The following TMEM63A variants were observed in gnomAD, a reference collection of about 807,000 sequenced individuals.
The protein encoded by TMEM63A is transmembrane protein 63A, also known as mechanosensitive cation channel TMEM63A.
In TMEM63A, 76 loss-of-function variants were observed where a neutral mutation model predicts 100.6. The ratio of observed to expected loss-of-function variants is 0.76; its 90% CI spans 0.63 to 0.91. The LOEUF is 0.91. TMEM63A is among the 40% of genes least tolerant of loss of function. The pLI, the probability that TMEM63A is intolerant of heterozygous loss-of-function variation, is 0.00. For synonymous variants in TMEM63A, 401 were observed against 401.1 expected (o/e 1.00, Z 0.00); for missense variants, 876 against 1,008.8 (o/e 0.87, Z 1.78).
intron 21 of TMEM63A, among the ~76,000 whole-genome samples, chr1:225,849,383 C>T (rs1461794524): frequency 2.6e-5 from 4 of 152,176 alleles, no homozygotes; most frequent in Admixed American, 6.5e-5. Context: ...CCGGGGCAGA[C>T]GTGTCTTTCC....
rs1443562138 is a variant in TMEM63A, at chr1:225,848,997, G to A, written c.2087C>T (p.Ala696Val). 1.3e-6 allele frequency: 2 copies of A among 1,588,458 alleles called. No individual in the cohort carries two copies. The highest frequency in any genetic ancestry group is 1.7e-6 in the Non-Finnish European group (2 of 1,168,092). ...CAGCACCAGGAAGGTGAACAGAGTG[G>A]CGGGGGCCTTCATACCTGGTGATAG... ...SFLRLGMKAP[A>V]TLFTFLVLLL... The change falls in exon 22 of 25, where the codon GCC becomes GTC. Residue 696 changes from alanine (A) to valine (V), a missense_variant. Transcript: ENST00000366835.
rs910113402 is a variant in TMEM63A at position 225,853,480 on chromosome 1, G to A, written c.1797+149C>T. The A allele has an allele frequency of 5.0e-6, 4 of 800,998 alleles. No homozygotes were observed. The highest frequency in any genetic ancestry group is 7.3e-6 in the Non-Finnish European group (4 of 545,024). The allele number at this position is 800,998 out of a possible 1,614,324, so 49.6% of individuals were successfully genotyped here. ...GCCACGCCTGCCTGGACCCGGGTTT[G>A]AGAAGCACTTAGCCCAGTGCCTGCA... On this transcript the variant is annotated intron_variant, in intron 19 of 24. Coordinates refer to ENST00000366835, the MANE Select transcript of TMEM63A (RefSeq NM_014698.3). This position sits in a 1 kb window ranked among gnomAD's most constrained non-coding sequence, Gnocchi z 4.0.
At position 225,871,123 on chromosome 1, in the gene TMEM63A, G is replaced by A; in HGVS notation, c.334-10C>T. 2.5e-6 allele frequency: 4 copies of A among 1,613,706 alleles called. No individual in the cohort carries two copies. The highest frequency in any genetic ancestry group is 3.4e-6 in the Non-Finnish European group (4 of 1,179,704). ...GCCAGGGACAGCATCCCTGGAAACG[G>A]AGAGAACAGGGATTAGCTTCCAACA... On this transcript the variant is annotated splice_polypyrimidine_tract_variant and intron_variant, in intron 5 of 24. Coordinates refer to ENST00000366835, the MANE Select transcript of TMEM63A (RefSeq NM_014698.3).
intron 20 of TMEM63A, among the ~76,000 whole-genome samples, chr1:225,852,357 G>A (rs1007039678): frequency 6.6e-6 from 1 of 152,170 alleles, no homozygotes; most frequent in Non-Finnish European, 1.5e-5. Flanking sequence ...ATGGTGGCGG[G>A]CACCTGTAAT....
At chr1:225,842,509 T>C, downstream of TMEM63A, 2 of 1,477,678 alleles carry the variant, frequency 1.4e-6, no homozygotes, top group South Asian at 1.1e-5. Flanking sequence ...GTCATGACCC[T>C]GGTCCCAGCA....
chr1:225,844,053 TTAA>T (rs1268345520), downstream of TMEM63A, among the ~76,000 whole-genome samples: 1 of 152,086 alleles, frequency 6.6e-6, no homozygotes, highest in East Asian at 1.9e-4. Context: ...GATTCTCCAC[TTAA>T]TAAGTAAAAT....
chr1:225,870,694 T>C (rs1670468780), intron 6 of TMEM63A, among the ~76,000 whole-genome samples: 1 of 152,182 alleles, frequency 6.6e-6, no homozygotes, highest in Non-Finnish European at 1.5e-5. Context: ...AGCAAAAAAA[T>C]AGCTTTAATT....
chr1:225,848,560 G>A lies in TMEM63A; in HGVS notation c.2188-6C>T, dbSNP rs371505445. Reference sequence around the variant, plus strand: ...TCACTTGCAGGCTCTTCTGTCTGCAGATAACAGCAAAAACTTGCGATGATA... The same window carrying A: ...TCACTTGCAGGCTCTTCTGTCTGCAAATAACAGCAAAAACTTGCGATGATA... On this transcript the variant is annotated splice_polypyrimidine_tract_variant and splice_region_variant and intron_variant, in intron 22 of 24. Coordinates refer to ENST00000366835, the MANE Select transcript of TMEM63A (RefSeq NM_014698.3). 25 of 1,613,980 alleles carry A rather than the reference G, an allele frequency of 1.5e-5. No individual in the cohort carries two copies. The highest frequency in any genetic ancestry group is 4.4e-5 in the South Asian group (4 of 91,084).
At position 225,848,579 on chromosome 1, in the gene TMEM63A, G is replaced by A. The variant is rs184682053; in HGVS notation, c.2188-25C>T. ...TCTGCAGATAACAGCAAAAACTTGC[G>A]ATGATAAACAAAACTGATCTCTGTG... On this transcript the variant is annotated intron_variant, in intron 22 of 24. Transcript: ENST00000366835. 1.3e-4 allele frequency: 206 copies of A among 1,613,212 alleles called. No individual in the cohort carries two copies. In the East Asian group the frequency reaches 2.8e-3, roughly 22 times the overall value.
intron 15 of TMEM63A, 46 bp downstream of exon 15, chr1:225,859,150 T>C: frequency 6.2e-7 from 1 of 1,613,238 alleles, no homozygotes; most frequent in Non-Finnish European, 8.5e-7. Context: ...CCAAGCCCTC[T>C]TCTCACCAGC....
At chr1:225,855,288 T>C (rs1669562519) in intron 18 of TMEM63A, among the ~76,000 whole-genome samples, 1 of 152,096 alleles carries the variant, frequency 6.6e-6, no homozygotes, top group Non-Finnish European at 1.5e-5. Flanking sequence ...CAAACCTCAG[T>C]CTCCTCATCT....
Position 225,862,218 on chromosome 1 carries a change from T to C in TMEM63A, c.1085A>G (p.Tyr362Cys), listed in dbSNP as rs751941977. 6.2e-6 allele frequency: 10 copies of C among 1,613,668 alleles called. No homozygotes were observed. In the Admixed American group the frequency reaches 1.2e-4, roughly 19 times the overall value. Residue 362 changes from tyrosine (Y) to cysteine (C), a missense_variant and splice_region_variant, in exon 13 of 25, where the codon TAC becomes TGC. Coordinates refer to ENST00000366835, the MANE Select transcript of TMEM63A (RefSeq NM_014698.3). This position sits in a 1 kb window ranked among gnomAD's most constrained non-coding sequence, Gnocchi z 5.1. The part of the protein sequence containing the change: ...VTFQEKSMAT[Y>C]ILKDFNACKC... The stretch of plus-strand genomic sequence containing the variant: ...GGGGTCTGGATGTGCCTACACTCAC[T>C]AGGTGGCCATGGACTTCTCCTGGAA...
chr1:225,842,267 A>C, downstream of TMEM63A: 2 of 916,478 alleles, frequency 2.2e-6, no homozygotes, highest in Middle Eastern at 2.1e-4. Context: ...TCCTGCACAC[A>C]GCCCCGCCCT....
chr1:225,854,431 G>A (rs1309531872), intron 18 of TMEM63A, among the ~76,000 whole-genome samples: 2 of 151,630 alleles, frequency 1.3e-5, no homozygotes, highest in Admixed American at 6.6e-5. Context: ...GAGATATGAA[G>A]GGATTCTGGA....
chr1:225,855,862 A>G lies in TMEM63A; in HGVS notation c.1634+16T>C, dbSNP rs761693670. ...CCCAGGGCCATGGCTCCAGAACTCAACTTGGCAATACTCACTCCAACCTGA... is the reference window on the plus strand; with the variant it reads ...CCCAGGGCCATGGCTCCAGAACTCAGCTTGGCAATACTCACTCCAACCTGA... On this transcript the variant is annotated intron_variant, in intron 18 of 24. Coordinates refer to ENST00000366835, the MANE Select transcript of TMEM63A (RefSeq NM_014698.3). 4 of 1,613,568 alleles carry G rather than the reference A, an allele frequency of 2.5e-6. 1 individual carries two copies. In the South Asian group the frequency reaches 4.4e-5, roughly 18 times the overall value.
In TMEM63A at chr1:225,848,903, G is replaced by C. The variant is rs1669171348; in HGVS notation, c.2181C>G (p.Asn727Lys). The change falls in exon 22 of 25, where the codon AAC (asparagine) becomes AAG (lysine). Residue 727 changes from asparagine to lysine, a missense_variant. Asn to Lys is a moderately conservative substitution (Grantham distance 94). This residue lies in a region of TMEM63A where 339 missense variants were observed against 342.3 expected (regional missense o/e 0.99). Transcript: ENST00000366835. ...TGGGGTCGGGGGCCTTTACTTTGTA[G>C]TTCAGAGGGCTGAGGTGCTTGAAGC... ...FGCFKHLSPL[N>K]YKTEEPASDK... 2 of 1,587,042 alleles carry C rather than the reference G, an allele frequency of 1.3e-6. No individual in the cohort carries two copies. Among genetic ancestry groups the C allele is most frequent in the Non-Finnish European group, 1.7e-6 (2 of 1,167,414 alleles).
chr1:225,853,607 C>A lies in TMEM63A; in HGVS notation c.1797+22G>T. ...ACATGGGAGGGAGTCAGAGGCACAGCCCTGGGCCCAGGGGATGGCACCTGC... is the reference window on the plus strand; with the variant it reads ...ACATGGGAGGGAGTCAGAGGCACAGACCTGGGCCCAGGGGATGGCACCTGC... On this transcript the variant is annotated intron_variant, in intron 19 of 24. Transcript: ENST00000366835. This position sits in a 1 kb window ranked among gnomAD's most constrained non-coding sequence, Gnocchi z 4.0. 1 of 1,538,962 alleles carries A rather than the reference C, an allele frequency of 6.5e-7. No homozygotes were observed. The highest frequency in any genetic ancestry group is 8.8e-7 in the Non-Finnish European group (1 of 1,139,594).
chr1:225,873,375 A>G (rs1415645924), intron 4 of TMEM63A, among the ~76,000 whole-genome samples: 1 of 152,046 alleles, frequency 6.6e-6, no homozygotes, highest in Non-Finnish European at 1.5e-5. Context: ...AAGATGGTGC[A>G]TTTTCAGGTA....
intron 20 of TMEM63A, among the ~76,000 whole-genome samples, chr1:225,852,073 ACT>A (rs1434153026): frequency 6.6e-6 from 1 of 152,272 alleles, no homozygotes; most frequent in Non-Finnish European, 1.5e-5. Context: ...TGACTCTGGC[ACT>A]GTCTTACTTG....
Sources: gnomAD v4.1 joint callset for allele counts (sites outside exome capture counted in the v4.1 genomes callset) on GRCh38, gnomAD v4.1.1 for gene constraint, gnomAD v4.1.1 regional missense constraint, Gnocchi (gnomAD v3.1) non-coding constraint, MANE v1.5 for transcripts, NCBI Gene and HGNC (gene_info 2026-07-23, HGNC 2026-07-21) for gene names.